The following SMR3B variants were observed in gnomAD, a reference collection of about 807,000 sequenced individuals.
SMR3B encodes submaxillary gland androgen-regulated protein 3B.
For synonymous variants in SMR3B, 42 were observed against 36.1 expected, an observed-to-expected ratio of 1.16 and a Z score of -0.59; for missense variants, 114 against 99.9, an observed-to-expected ratio of 1.14 and a Z score of -0.60.
intron 1 of SMR3B, among the ~76,000 whole-genome samples, chr4:70,383,581 T>C (rs945413805): frequency 3.3e-5 from 5 of 152,152 alleles, no homozygotes; most frequent in African/African-American, 1.2e-4. Context: ...GGTTTTTCTT[T>C]TGTTTTTCAA....
intron 1 of SMR3B, 30 bp from the exon 2 acceptor site, chr4:70,384,467 A>G (rs1345255404): frequency 6.3e-7 from 1 of 1,589,264 alleles, no homozygotes; most frequent in African/African-American, 1.4e-5. Context: ...AAAAACAATC[A>G]TACTGATCAC....
intron 2 of SMR3B, among the ~76,000 whole-genome samples, chr4:70,386,249 G>T (rs1238458726): frequency 1.4e-5 from 2 of 145,036 alleles, no homozygotes; most frequent in East Asian, 4.0e-4. Context: ...CTCCAGCCTG[G>T]GTGACAGAGT....
intron 2 of SMR3B, among the ~76,000 whole-genome samples, chr4:70,387,589 G>C (rs1732688402): frequency 6.6e-6 from 1 of 152,120 alleles, no homozygotes; most frequent in African/African-American, 2.4e-5. Context: ...GAAGACACTT[G>C]TAAAGAAACA....
intron 2 of SMR3B, among the ~76,000 whole-genome samples, chr4:70,386,426 G>A (rs1033903532): frequency 2.9e-4 from 43 of 147,208 alleles, no homozygotes; most frequent in African/African-American, 8.8e-4. Context: ...TGTCCTTTAC[G>A]TGTGTGTGTA....
Position 70,390,009 on chromosome 4 carries a change from C to T in SMR3B, c.*161C>T, listed in dbSNP as rs766584295. ...TGAACAACTGCAGCAGGTGCCACCA[C>T]CACCACAAAAGACACCACTACCCTT... On this transcript the variant is annotated 3_prime_UTR_variant, in exon 3 of 3. Transcript: ENST00000304915. 2.8e-6 allele frequency: 4 copies of T among 1,410,820 alleles called. No individual in the cohort carries two copies. The highest frequency in any genetic ancestry group is 2.8e-5 in the African/African-American group (2 of 70,838). The allele number at this position is 1,410,820 out of a possible 1,614,324, so 87.4% of individuals were successfully genotyped here.
At position 70,389,766 on chromosome 4, in the gene SMR3B, C is replaced by T. The variant is rs753598635; in HGVS notation, c.158C>T (p.Pro53Leu). The stretch of plus-strand genomic sequence containing the variant: ...TTTGTTCCACCACCTCCTCCTCCAC[C>T]CTATGGTCCAGGGAGAATCCCACCT... ...PGFVPPPPPP[P>L]YGPGRIPPPP... The change falls in exon 3 of 3, where the codon CCC (proline) becomes CTC (leucine). Residue 53 changes from proline to leucine, a missense_variant. Coordinates refer to ENST00000304915, the MANE Select transcript of SMR3B (RefSeq NM_006685.4). 1.2e-6 allele frequency: 2 copies of T among 1,614,078 alleles called. No individual in the cohort carries two copies. Among genetic ancestry groups the T allele is most frequent in the East Asian group, 4.5e-5 (2 of 44,882 alleles).
At chr4:70,386,272 CAAAAAA>C (rs33979547) in intron 2 of SMR3B, among the ~76,000 whole-genome samples, 1 of 126,682 alleles carries the variant, frequency 7.9e-6, no homozygotes, top group Non-Finnish European at 1.6e-5. Flanking sequence ...GACTCTATCT[CAAAAAA>C]AAAAAAAAAG....
At chr4:70,388,800 C>T (rs1281530715) in intron 2 of SMR3B, among the ~76,000 whole-genome samples, 1 of 152,146 alleles carries the variant, frequency 6.6e-6, no homozygotes, top group Non-Finnish European at 1.5e-5. Flanking sequence ...AGTAGGTGCT[C>T]ATGACGTCTC....
intron 2 of SMR3B, among the ~76,000 whole-genome samples, chr4:70,388,227 C>T (rs1030702714): frequency 3.3e-5 from 5 of 152,054 alleles, no homozygotes; most frequent in Non-Finnish European, 7.4e-5. Flanking sequence ...CAGAACTGAT[C>T]GCTTTAACTC....
intron 1 of SMR3B, 52 bp from the exon 2 acceptor site, chr4:70,384,445 T>C: frequency 1.3e-6 from 2 of 1,591,996 alleles, no homozygotes; most frequent in Admixed American, 1.8e-5. Flanking sequence ...TTTTAAATAG[T>C]ACTTTTTAAT....
At chr4:70,387,231 G>A (rs1386713300) in intron 2 of SMR3B, among the ~76,000 whole-genome samples, 1 of 152,146 alleles carries the variant, frequency 6.6e-6, no homozygotes, top group Non-Finnish European at 1.5e-5. Flanking sequence ...TTTTGCAAAT[G>A]ATCTATTTAA....
intron 2 of SMR3B, among the ~76,000 whole-genome samples, chr4:70,389,380 T>A (rs2109762472): frequency 6.6e-6 from 1 of 152,324 alleles, no homozygotes; most frequent in Middle Eastern, 3.4e-3. Flanking sequence ...CTATAGCCAG[T>A]CTACCATGTA....
In SMR3B at chr4:70,389,773, T is replaced by C. The variant is rs559963581; in HGVS notation, c.165T>C (p.Gly55=). 8 of 1,613,894 alleles carry C rather than the reference T, an allele frequency of 5.0e-6. No individual in the cohort carries two copies. The African/African-American group carries it at 9.3e-5, about 19-fold the overall frequency. Residue 55 remains glycine (G), a synonymous_variant, in exon 3 of 3, where the codon GGT becomes GGC. Coordinates refer to ENST00000304915, the MANE Select transcript of SMR3B (RefSeq NM_006685.4). ...CACCACCTCCTCCTCCACCCTATGGTCCAGGGAGAATCCCACCTCCTCCTC... is the reference window on the plus strand; with the variant it reads ...CACCACCTCCTCCTCCACCCTATGGCCCAGGGAGAATCCCACCTCCTCCTC... ...FVPPPPPPPY[G]PGRIPPPPPA...
At chr4:70,386,886 G>T (rs1732675676) in intron 2 of SMR3B, among the ~76,000 whole-genome samples, 1 of 152,118 alleles carries the variant, frequency 6.6e-6, no homozygotes, top group Non-Finnish European at 1.5e-5. Context: ...CTAGTCTTTG[G>T]CTTGGCAGCA....
intron 2 of SMR3B, among the ~76,000 whole-genome samples, chr4:70,385,913 CATTT>C (rs1732656595): frequency 1.3e-5 from 2 of 151,688 alleles, no homozygotes; most frequent in African/African-American, 4.8e-5. Context: ...AAAAGAAAAA[CATTT>C]ATAATTTCAA....
chr4:70,384,720 T>G, intron 2 of SMR3B, 156 bp downstream of exon 2: 1 of 1,413,404 alleles, frequency 7.1e-7, no homozygotes, highest in African/African-American at 1.5e-5. Flanking sequence ...AAATTTAAAA[T>G]CTAATTTAAA....
intron 1 of SMR3B, 76 bp downstream of exon 1, chr4:70,383,288 G>A (rs552188820): frequency 1.3e-5 from 2 of 152,112 alleles, no homozygotes; most frequent in South Asian, 2.1e-4. Flanking sequence ...CATTTTCAAC[G>A]ATAACATTTT....
intron 2 of SMR3B, chr4:70,384,929 T>C (rs1732633100): frequency 1.2e-5 from 2 of 173,842 alleles, no homozygotes; most frequent in Non-Finnish European, 2.5e-5. Context: ...CAGAGTCACC[T>C]AACTCACTTA....
intron 2 of SMR3B, 200 bp downstream of exon 2, chr4:70,384,764 C>A: frequency 9.3e-7 from 1 of 1,073,948 alleles, no homozygotes; most frequent in Non-Finnish European, 1.3e-6. Context: ...CCATACTGGA[C>A]AGCTCAAGTC....
Sources: gnomAD v4.1 joint callset for allele counts (sites outside exome capture counted in the v4.1 genomes callset) on GRCh38, gnomAD v4.1.1 for gene constraint, MANE v1.5 for transcripts, NCBI Gene and HGNC (gene_info 2026-07-23, HGNC 2026-07-21) for gene names.